PDGFC: variants seen among roughly 807,000 people sequenced by gnomAD.
The protein encoded by PDGFC is platelet-derived growth factor C.
PDGFC carries 12 observed loss-of-function variants against 35.5 expected under a neutral mutation model. The ratio of observed to expected loss-of-function variants is 0.34; its 90% confidence interval spans 0.22 to 0.55. The LOEUF (loss-of-function observed/expected upper bound fraction) is 0.55. PDGFC is among the 20% of genes least tolerant of loss of function. The pLI is 0.91. For missense variants in PDGFC, 322 were observed against 412.4 expected (o/e 0.78, Z 1.90); for synonymous variants, 159 against 148.8 (o/e 1.07, Z -0.50).
chr4:156,850,149 C>A lies in PDGFC; in HGVS notation c.314+72G>T, dbSNP rs1729418008. 8 of 735,240 alleles carry A rather than the reference C, an allele frequency of 1.1e-5. No individual in the cohort carries two copies. The Admixed American group carries it at 2.0e-4, about 19-fold the overall frequency. 45.5% of individuals were successfully genotyped at this position (735,240 alleles called of 1,614,324 possible). On this transcript the variant is annotated intron_variant, in intron 2 of 5. Coordinates refer to ENST00000502773, the MANE Select transcript of PDGFC (RefSeq NM_016205.3). Reference sequence around the variant, plus strand: ...CAAAAGATGTCATTTAAAATCAGATCATCAAAATTAAGCAATTTGAAAGAC... The same window carrying A: ...CAAAAGATGTCATTTAAAATCAGATAATCAAAATTAAGCAATTTGAAAGAC...
At chr4:156,840,382 T>C (rs1013226166) in intron 2 of PDGFC, among the ~76,000 whole-genome samples, 4 of 152,198 alleles carry the variant, frequency 2.6e-5, no homozygotes, top group African/African-American at 9.6e-5. Context: ...AGCTTCTATG[T>C]AGTGTTGGTC....
At chr4:156,958,585 G>C (rs551794759) in intron 1 of PDGFC, among the ~76,000 whole-genome samples, 1 of 152,134 alleles carries the variant, frequency 6.6e-6, no homozygotes, top group African/African-American at 2.4e-5. Context: ...AGAAGTTACA[G>C]AATGAATAAA....
chr4:156,966,862 T>G (rs962550617), intron 1 of PDGFC, among the ~76,000 whole-genome samples: 1 of 152,152 alleles, frequency 6.6e-6, no homozygotes, highest in Non-Finnish European at 1.5e-5. Flanking sequence ...ATATCATCCA[T>G]CCAATATCTA....
At chr4:156,767,372 A>T (rs1730567161) in intron 5 of PDGFC, among the ~76,000 whole-genome samples, 1 of 152,124 alleles carries the variant, frequency 6.6e-6, no homozygotes, top group South Asian at 2.1e-4. Flanking sequence ...AAGTAGAAAA[A>T]TAAATATCAA....
intron 2 of PDGFC, among the ~76,000 whole-genome samples, chr4:156,811,977 A>G (rs1326025928): frequency 6.6e-6 from 1 of 152,110 alleles, no homozygotes; most frequent in Non-Finnish European, 1.5e-5. Context: ...CATTTCATGC[A>G]GGTGCAAATT....
intron 1 of PDGFC, chr4:156,876,701 G>T (rs1730123892): frequency 6.6e-6 from 1 of 152,068 alleles, no homozygotes; most frequent in Admixed American, 6.5e-5. Context: ...TATAACAGCA[G>T]TCTCTTCTTC....
chr4:156,886,852 A>T (rs1730388556), intron 1 of PDGFC: 1 of 152,238 alleles, frequency 6.6e-6, no homozygotes, highest in African/African-American at 2.4e-5. Context: ...TAAAAGATTT[A>T]ACTAACCTGG....
At chr4:156,863,484 T>C (rs949576579) in intron 1 of PDGFC, among the ~76,000 whole-genome samples, 4 of 152,184 alleles carry the variant, frequency 2.6e-5, no homozygotes, top group African/African-American at 9.7e-5. Context: ...GCTGTTATAT[T>C]TACAGTACTT....
chr4:156,856,647 C>T (rs1164666607), intron 1 of PDGFC, among the ~76,000 whole-genome samples: 1 of 152,120 alleles, frequency 6.6e-6, no homozygotes, highest in Admixed American at 6.6e-5. Context: ...CACATGGCAG[C>T]ACCTAATACC....
At chr4:156,793,367 A>C (rs1308064075) in intron 3 of PDGFC, among the ~76,000 whole-genome samples, 1 of 151,798 alleles carries the variant, frequency 6.6e-6, no homozygotes, top group Non-Finnish European at 1.5e-5. Context: ...TCTTTCATGT[A>C]CAAATGATAC....
At chr4:156,965,377 T>C (rs2110983262) in intron 1 of PDGFC, among the ~76,000 whole-genome samples, 1 of 152,234 alleles carries the variant, frequency 6.6e-6, no homozygotes, top group African/African-American at 2.4e-5. Context: ...CTCAACAACT[T>C]AGATTTTATG....
At chr4:156,814,029 G>T (rs1732013187) in intron 2 of PDGFC, among the ~76,000 whole-genome samples, 1 of 151,886 alleles carries the variant, frequency 6.6e-6, no homozygotes, top group Non-Finnish European at 1.5e-5. Context: ...ATGAATACTT[G>T]GCCTTCATAG....
chr4:156,825,600 A>AAGG (rs1732440247), intron 2 of PDGFC, among the ~76,000 whole-genome samples: 4 of 95,438 alleles, frequency 4.2e-5, no homozygotes, highest in African/African-American at 1.8e-4. Context: ...TAATAAGAAG[A>AAGG]AGAAGAAGAA....
intron 3 of PDGFC, among the ~76,000 whole-genome samples, chr4:156,792,290 A>G (rs984232318): frequency 1.3e-5 from 2 of 152,216 alleles, no homozygotes; most frequent in Admixed American, 1.3e-4. Context: ...TACAATCCAA[A>G]TATATGAAGG....
chr4:156,803,970 T>C (rs1221714197), intron 3 of PDGFC, among the ~76,000 whole-genome samples: 11 of 152,060 alleles, frequency 7.2e-5, no homozygotes, highest in Admixed American at 2.0e-4. Flanking sequence ...ACACTGACCG[T>C]TGACAAAATT....
intron 1 of PDGFC, among the ~76,000 whole-genome samples, chr4:156,950,201 T>C (rs2110935058): frequency 6.6e-6 from 1 of 151,990 alleles, no homozygotes; most frequent in Non-Finnish European, 1.5e-5. Flanking sequence ...AAGTAGTACA[T>C]AAATTTTCCT....
chr4:156,885,348 A>C (rs1730351035), intron 1 of PDGFC, among the ~76,000 whole-genome samples: 1 of 152,186 alleles, frequency 6.6e-6, no homozygotes, highest in African/African-American at 2.4e-5. Flanking sequence ...AATGGCCTAA[A>C]ATAAATAATT....
chr4:156,899,986 C>T (rs1264616580), intron 1 of PDGFC, among the ~76,000 whole-genome samples: 2 of 152,152 alleles, frequency 1.3e-5, no homozygotes, highest in African/African-American at 4.8e-5. Context: ...TCTGACTTAT[C>T]ATAATTCATT....
At position 156,880,773 on chromosome 4, in the gene PDGFC, G is replaced by A. The variant is rs149538279; in HGVS notation, c.119-30357C>T. Among the ~76,000 whole-genome samples, 768 of 152,262 alleles carry A rather than the reference G, an allele frequency of 5.0e-3. 5 individuals are homozygous for A. The highest frequency in any genetic ancestry group is 0.014 in the Middle Eastern group (4 of 294). Reference sequence around the variant, plus strand: ...AGAGATGTGAAAATAGCAAGAGAAAGAAATTTAGAAGTGGAGCCTGAAGAC... The same window carrying A: ...AGAGATGTGAAAATAGCAAGAGAAAAAAATTTAGAAGTGGAGCCTGAAGAC... On this transcript the variant is annotated intron_variant, in intron 1 of 5. Coordinates refer to ENST00000502773, the MANE Select transcript of PDGFC (RefSeq NM_016205.3).
Sources: gnomAD v4.1 joint callset for allele counts (sites outside exome capture counted in the v4.1 genomes callset) on GRCh38, gnomAD v4.1.1 for gene constraint, MANE v1.5 for transcripts, NCBI Gene and HGNC (gene_info 2026-07-23, HGNC 2026-07-21) for gene names.